CNTN4: variants seen among roughly 807,000 people sequenced by gnomAD.
CNTN4 encodes contactin 4, also known as contactin-4.
In CNTN4, 77 loss-of-function variants were observed where a neutral mutation model predicts 122.5. The observed-to-expected ratio is 0.63, with a 90% confidence interval of 0.52 to 0.76. The LOEUF (loss-of-function observed/expected upper bound fraction) is 0.76, where lower values mean the gene tolerates loss of function less well. Among genes scored for constraint, CNTN4 ranks in the 30% least tolerant of loss-of-function variants. The pLI is 0.00. For missense variants in CNTN4, 1,256 were observed against 1,259.1 expected (o/e 1.00, Z 0.04); for synonymous variants, 512 against 447.0 (o/e 1.15, Z -1.83).
chr3:2,431,310 A>T (rs926343146), intron 3 of CNTN4, among the ~76,000 whole-genome samples: 2 of 152,202 alleles, frequency 1.3e-5, no homozygotes, highest in African/African-American at 4.8e-5. Flanking sequence ...AACAATATGC[A>T]TATTGTGATT....
rs562650925 is a variant in CNTN4 at position 2,239,012 on chromosome 3, A to C, written c.-144-100166A>C. On this transcript the variant is annotated intron_variant, in intron 2 of 24. Transcript: ENST00000418658. Reference sequence around the variant, plus strand: ...AGTGCTGGGATGACAGGCGTGAGCCACCGTGCCCGGCCTGGCTCTGTTTTT... The same window carrying C: ...AGTGCTGGGATGACAGGCGTGAGCCCCCGTGCCCGGCCTGGCTCTGTTTTT... 4.6e-5 allele frequency: 7 copies of C among 151,512 alleles called. No individual in the cohort carries two copies. In the East Asian group the frequency reaches 1.4e-3, roughly 30 times the overall value. The allele number at this position is 151,512 out of a possible 1,614,324, so 9.4% of individuals were successfully genotyped here. A position where few individuals can be genotyped will look rare whatever the true frequency, so the allele number is the denominator to read the frequency against.
intron 2 of CNTN4, among the ~76,000 whole-genome samples, chr3:2,258,422 AT>A (rs955226748): frequency 5.3e-5 from 8 of 151,278 alleles, no homozygotes; most frequent in African/African-American, 1.2e-4. Flanking sequence ...AGATTTTCTT[AT>A]TTTTTTTTCT....
At chr3:2,142,507 G>A (rs141803228) in intron 2 of CNTN4, among the ~76,000 whole-genome samples, 14 of 152,150 alleles carry the variant, frequency 9.2e-5, no homozygotes, top group Non-Finnish European at 1.0e-4. Context: ...GGGATTACAG[G>A]TGCCCGCCAT....
intron 2 of CNTN4, among the ~76,000 whole-genome samples, chr3:2,267,229 C>T (rs1316809985): frequency 6.6e-6 from 1 of 152,086 alleles, no homozygotes; most frequent in East Asian, 1.9e-4. Flanking sequence ...CTGCTTTTTA[C>T]TCAAGGAATA....
At chr3:2,141,122 A>G (rs530818741) in intron 2 of CNTN4, among the ~76,000 whole-genome samples, 9 of 152,204 alleles carry the variant, frequency 5.9e-5, no homozygotes, top group Non-Finnish European at 7.4e-5. Flanking sequence ...CATTTCTACA[A>G]TGTTGTCATT....
intron 3 of CNTN4, among the ~76,000 whole-genome samples, chr3:2,424,689 A>C (rs1331917610): frequency 6.6e-6 from 1 of 152,206 alleles, no homozygotes; most frequent in Non-Finnish European, 1.5e-5. Context: ...CCAACAGTGT[A>C]AAAGTGTTCC....
At chr3:2,965,288 G>C (rs1389283462) in intron 13 of CNTN4, among the ~76,000 whole-genome samples, 2 of 152,086 alleles carry the variant, frequency 1.3e-5, no homozygotes, top group Non-Finnish European at 2.9e-5. Flanking sequence ...CTCCTAAATT[G>C]TATTGTTTTG....
chr3:2,927,867 C>T (rs1029975013), intron 13 of CNTN4, among the ~76,000 whole-genome samples: 1 of 152,204 alleles, frequency 6.6e-6, no homozygotes, highest in African/African-American at 2.4e-5. Context: ...TGTCAGCAGG[C>T]TAGTCCCAAA....
At chr3:2,361,257 CA>C (rs66694534) in intron 3 of CNTN4, among the ~76,000 whole-genome samples, 13,224 of 152,214 alleles carry the variant, frequency 0.087, 962 homozygotes, top group African/African-American at 0.2. Flanking sequence ...TCACTGAGCA[CA>C]AGGAATATTT....
At chr3:2,160,959 A>G (rs1000189716) in intron 2 of CNTN4, among the ~76,000 whole-genome samples, 7 of 152,114 alleles carry the variant, frequency 4.6e-5, no homozygotes, top group Admixed American at 4.6e-4. Flanking sequence ...TTGGGAGAAT[A>G]GAAGCTAAAT....
chr3:2,826,460 C>T (rs146308972), intron 7 of CNTN4, among the ~76,000 whole-genome samples: 1 of 152,310 alleles, frequency 6.6e-6, no homozygotes, highest in East Asian at 1.9e-4. Context: ...TGCCTTTCCA[C>T]AGCATGGTTA....
chr3:2,685,009 A>G (rs2085358417), intron 4 of CNTN4, among the ~76,000 whole-genome samples: 1 of 152,224 alleles, frequency 6.6e-6, no homozygotes, highest in African/African-American at 2.4e-5. Flanking sequence ...TTGTGAAATG[A>G]AAACTACATT....
intron 6 of CNTN4, among the ~76,000 whole-genome samples, chr3:2,800,320 A>G (rs2092317470): frequency 6.6e-6 from 1 of 151,740 alleles, no homozygotes; most frequent in Non-Finnish European, 1.5e-5. Flanking sequence ...TCTTCTCTCA[A>G]AATCTTAATT....
At position 2,707,611 on chromosome 3, in the gene CNTN4, T is replaced by TA. The variant is rs1451842955; in HGVS notation, c.56-28601dup. Reference sequence around the variant, plus strand: ...GCAGTTTTTGTTATTTTAACTTAATTAAATATTGTTTGATGCTTCTTTTTC... The same window carrying TA: ...GCAGTTTTTGTTATTTTAACTTAATTAAAATATTGTTTGATGCTTCTTTTTC... On this transcript the variant is annotated intron_variant, in intron 4 of 24. Transcript: ENST00000418658. Among the ~76,000 whole-genome samples, 28 of 151,254 alleles carry TA rather than the reference T, an allele frequency of 1.9e-4. No homozygotes were observed. In the Admixed American group the frequency reaches 1.9e-3, roughly 10 times the overall value.
intron 3 of CNTN4, among the ~76,000 whole-genome samples, chr3:2,510,654 C>A (rs139580717): frequency 6.6e-6 from 1 of 152,016 alleles, no homozygotes; most frequent in South Asian, 2.1e-4. Context: ...AAATGTCTTC[C>A]GGGGCCAGCA....
intron 3 of CNTN4, among the ~76,000 whole-genome samples, chr3:2,344,279 T>A (rs1575421527): frequency 1.7e-5 from 1 of 57,524 alleles, no homozygotes; most frequent in East Asian, 2.8e-4. Flanking sequence ...CCAGGTCAAA[T>A]TTTTTTTTTT....
intron 8 of CNTN4, among the ~76,000 whole-genome samples, chr3:2,871,752 T>C (rs1023376957): frequency 1.2e-4 from 19 of 152,208 alleles, no homozygotes; most frequent in Non-Finnish European, 2.6e-4. Context: ...GCTCTAGATT[T>C]AGACATTTGC....
intron 5 of CNTN4, among the ~76,000 whole-genome samples, chr3:2,744,756 C>CA (rs1347427944): frequency 3.3e-5 from 5 of 152,078 alleles, no homozygotes; most frequent in African/African-American, 9.7e-5. Context: ...GTCTTATTAC[C>CA]AAAACTTCGC....
chr3:2,544,782 C>A (rs1241997065), intron 3 of CNTN4, among the ~76,000 whole-genome samples: 1 of 151,130 alleles, frequency 6.6e-6, no homozygotes, highest in Non-Finnish European at 1.5e-5. Context: ...TTAGTCTAGC[C>A]ACTAGTCTAT....
Sources: allele counts gnomAD v4.1 joint callset (sites outside exome capture counted in the v4.1 genomes callset), GRCh38; gene constraint gnomAD v4.1.1; transcripts MANE v1.5; gene names NCBI Gene and HGNC (gene_info 2026-07-23, HGNC 2026-07-21).